The following TLE1 variants were observed in gnomAD, a reference collection of about 807,000 sequenced individuals.
The protein encoded by TLE1 is TLE family member 1, transcriptional corepressor, also known as transducin-like enhancer protein 1.
A neutral mutation model predicts 89.8 loss-of-function variants in TLE1; 21 were observed. The observed-to-expected ratio is 0.23, with a 90% CI of 0.17 to 0.34. TLE1 has a LOEUF of 0.34. Ranked by LOEUF, TLE1 falls within the 10% of genes least tolerant of loss-of-function variation. The pLI, the probability that TLE1 is intolerant of heterozygous loss-of-function variation, is 1.00. For missense variants in TLE1, 795 were observed against 1,031.2 expected (o/e 0.77, Z 3.14); for synonymous variants, 447 against 407.6 (o/e 1.10, Z -1.16).
chr9:81,647,614 T>C (rs1829014249), intron 6 of TLE1, among the ~76,000 whole-genome samples: 1 of 152,094 alleles, frequency 6.6e-6, no homozygotes, highest in African/African-American at 2.4e-5. Flanking sequence ...CTACAAGCAC[T>C]TAGGGAAACC....
intron 13 of TLE1, among the ~76,000 whole-genome samples, chr9:81,610,740 C>T (rs1162557217): frequency 2.6e-5 from 4 of 150,982 alleles, no homozygotes; most frequent in African/African-American, 9.7e-5. Context: ...GAATCCATAC[C>T]TGCCCCCCCT....
intron 4 of TLE1, among the ~76,000 whole-genome samples, chr9:81,664,574 T>C (rs1252726550): frequency 1.3e-5 from 2 of 152,006 alleles, no homozygotes; most frequent in African/African-American, 2.4e-5. Flanking sequence ...TTAAAAAATG[T>C]GGGGAGGTCG....
chr9:81,614,877 TA>T (rs1451077325), intron 11 of TLE1, among the ~76,000 whole-genome samples: 1 of 151,082 alleles, frequency 6.6e-6, no homozygotes, highest in Non-Finnish European at 1.5e-5. Flanking sequence ...ATGACCAGCC[TA>T]AGAAAATGAA....
intron 13 of TLE1, among the ~76,000 whole-genome samples, chr9:81,611,124 T>C (rs1272576721): frequency 2.0e-5 from 3 of 152,166 alleles, no homozygotes; most frequent in Non-Finnish European, 4.4e-5. Flanking sequence ...CAATCAACGA[T>C]CACAGAGCCA....
At chr9:81,624,722 A>C (rs1724689424) in intron 8 of TLE1, among the ~76,000 whole-genome samples, 1 of 152,196 alleles carries the variant, frequency 6.6e-6, no homozygotes, top group Admixed American at 6.5e-5. Context: ...GACTTCTATT[A>C]CAAGTGTCCC....
At chr9:81,645,760 A>AAAATG (rs1434397430) in intron 6 of TLE1, among the ~76,000 whole-genome samples, 1 of 150,482 alleles carries the variant, frequency 6.6e-6, no homozygotes, top group Non-Finnish European at 1.5e-5. Flanking sequence ...AAAATAAAAT[A>AAAATG]AAATAAAATA....
chr9:81,670,945 G>T (rs773466057), intron 4 of TLE1, among the ~76,000 whole-genome samples: 1 of 152,008 alleles, frequency 6.6e-6, no homozygotes, highest in Non-Finnish European at 1.5e-5. Flanking sequence ...GAGGCAGATG[G>T]ATCACCTGAG....
chr9:81,671,542 G>A (rs927388471), intron 4 of TLE1, among the ~76,000 whole-genome samples: 4 of 152,014 alleles, frequency 2.6e-5, no homozygotes, highest in Non-Finnish European at 5.9e-5. Context: ...CTACTCGAGA[G>A]GCCAAGGCAG....
chr9:81,661,472 G>A (rs1310094258), intron 4 of TLE1, among the ~76,000 whole-genome samples: 2 of 151,980 alleles, frequency 1.3e-5, no homozygotes, highest in African/African-American at 2.4e-5. Context: ...ATGGCACCTT[G>A]CCCAAAGTCA....
intron 6 of TLE1, 135 bp from the exon 7 acceptor site, chr9:81,634,436 A>G: frequency 3.1e-6 from 2 of 652,970 alleles, no homozygotes; most frequent in Non-Finnish European, 4.8e-6. Context: ...AGGAGGTTCA[A>G]CAAACACACA....
chr9:81,601,246 C>G (rs983550938), intron 14 of TLE1, among the ~76,000 whole-genome samples: 5 of 152,194 alleles, frequency 3.3e-5, no homozygotes, highest in African/African-American at 1.2e-4. Context: ...AAGCCCCCGG[C>G]CACTGAAACT....
chr9:81,629,698 T>C (rs1826334894), intron 8 of TLE1, among the ~76,000 whole-genome samples: 1 of 152,246 alleles, frequency 6.6e-6, no homozygotes, highest in African/African-American at 2.4e-5. Context: ...CTACTGCTCC[T>C]AGGCTACAAA....
At chr9:81,662,913 TCTCAG>T (rs1402046156) in intron 4 of TLE1, among the ~76,000 whole-genome samples, 3 of 151,592 alleles carry the variant, frequency 2.0e-5, no homozygotes, top group Non-Finnish European at 4.4e-5. Flanking sequence ...AGTGGCATGA[TCTCAG>T]CTCACTGCAA....
chr9:81,644,670 G>A (rs1045528046), intron 6 of TLE1, among the ~76,000 whole-genome samples: 1 of 152,132 alleles, frequency 6.6e-6, no homozygotes, highest in African/African-American at 2.4e-5. Context: ...ATGTGAATAC[G>A]CTAAAAACCA....
intron 6 of TLE1, among the ~76,000 whole-genome samples, chr9:81,644,604 T>A (rs912378920): frequency 5.9e-5 from 9 of 152,166 alleles, no homozygotes; most frequent in Non-Finnish European, 8.8e-5. Context: ...GGAGTTTCTT[T>A]ACAGGGTGAC....
intron 4 of TLE1, 126 bp downstream of exon 4, chr9:81,685,550 G>C (rs937009550): frequency 1.1e-6 from 1 of 897,424 alleles, no homozygotes; most frequent in Non-Finnish European, 1.7e-6. Context: ...CACAGGACAG[G>C]AAACCAAGGC....
chr9:81,612,596 C>T (rs1412188789), intron 12 of TLE1, among the ~76,000 whole-genome samples: 1 of 152,118 alleles, frequency 6.6e-6, no homozygotes, highest in Non-Finnish European at 1.5e-5. Context: ...CCTCCCCTAG[C>T]AGAAAACCAG....
chr9:81,601,997 A>G (rs182647663), intron 14 of TLE1, among the ~76,000 whole-genome samples: 1 of 152,306 alleles, frequency 6.6e-6, no homozygotes, highest in African/African-American at 2.4e-5. Flanking sequence ...ATTATAATCC[A>G]AGCTCTCAAA....
chr9:81,595,315 C>T (rs1830035142), intron 14 of TLE1, among the ~76,000 whole-genome samples: 1 of 152,156 alleles, frequency 6.6e-6, no homozygotes, highest in African/African-American at 2.4e-5. Flanking sequence ...AATCAAATAG[C>T]ATTTTGTTGC....
Sources: gnomAD v4.1 joint callset for allele counts (sites outside exome capture counted in the v4.1 genomes callset) on GRCh38, gnomAD v4.1.1 for gene constraint, MANE v1.5 for transcripts, NCBI Gene and HGNC (gene_info 2026-07-23, HGNC 2026-07-21) for gene names.